The following NBEAL1 variants were observed in gnomAD, a reference collection of about 807,000 sequenced individuals.
The protein encoded by NBEAL1 is neurobeachin-like protein 1.
In NBEAL1, 273 loss-of-function variants were observed where a neutral mutation model predicts 351.3. That is an observed-to-expected ratio of 0.78 (90% CI 0.70 to 0.86). The LOEUF is 0.86. Among genes scored for constraint, NBEAL1 ranks in the 40% least tolerant of loss-of-function variants. NBEAL1 has a pLI of 0.00. For synonymous variants in NBEAL1, 1,050 were observed against 1,086.4 expected (o/e 0.97, Z 0.66); for missense variants, 2,961 against 3,201.3 (o/e 0.92, Z 1.81).
In NBEAL1 at chr2:203,062,317, TAA is replaced by T; in HGVS notation, c.515+4865_515+4866del. On this transcript the variant is annotated intron_variant, in intron 6 of 55. Transcript: ENST00000683969. The surrounding 1 kb of genome is among the most constrained non-coding windows in gnomAD (Gnocchi z 4.2). ...GAAGGTTTCCTGCGTCACATCTCTA[TAA>T]GAGTTTCTTCTGGGAAAAATCCAGC... 2.1e-6 allele frequency: 1 copy of T among 483,486 alleles called. No homozygotes were observed. Among genetic ancestry groups the T allele is most frequent in the Non-Finnish European group, 4.2e-6 (1 of 240,170 alleles). The allele number at this position is 483,486 out of a possible 1,614,324, so 29.9% of individuals were successfully genotyped here. A position where few individuals can be genotyped will look rare whatever the true frequency, so the allele number is the denominator to read the frequency against.
In NBEAL1 at chr2:203,219,940, A is replaced by G. The variant is rs1024919615; in HGVS notation, c.*2586A>G. The G allele has an allele frequency of 1.3e-5, 2 of 152,202 alleles. No homozygotes were observed. The highest frequency in any genetic ancestry group is 4.1e-4 in the South Asian group (2 of 4,834). 9.4% of individuals were successfully genotyped at this position (152,202 alleles called of 1,614,324 possible). On this transcript the variant is annotated 3_prime_UTR_variant, in exon 56 of 56. Transcript: ENST00000683969. ...GTCTAGAGAATGGAACTTAAATTTT[A>G]TCTGTTAAAAGAAGCAAACAACTAT...
Position 203,213,509 on chromosome 2 carries a change from C to A in NBEAL1, c.7935-9C>A, listed in dbSNP as rs1421612766. ...GTAATTATGTCTGTATTTTTTATTTCTTTTCTAGCTTGAATCTCAGCATCA... is the reference window on the plus strand; with the variant it reads ...GTAATTATGTCTGTATTTTTTATTTATTTTCTAGCTTGAATCTCAGCATCA... On this transcript the variant is annotated splice_polypyrimidine_tract_variant and intron_variant, in intron 54 of 55. Coordinates refer to ENST00000683969, the MANE Select transcript of NBEAL1 (RefSeq NM_001378026.1). The A allele has an allele frequency of 1.9e-6, 3 of 1,598,448 alleles. No individual in the cohort carries two copies. Among genetic ancestry groups the A allele is most frequent in the Admixed American group, 3.5e-5 (2 of 56,414 alleles).
intron 12 of NBEAL1, among the ~76,000 whole-genome samples, chr2:203,105,195 G>A (rs115958055): frequency 0.037 from 5,626 of 151,902 alleles, 309 homozygotes; most frequent in African/African-American, 0.12. Flanking sequence ...GGGCGCAGTC[G>A]CTCACACCTG....
rs2063048799 is a variant in NBEAL1, at chr2:203,130,494, A to C, written c.3564+18A>C. The C allele has an allele frequency of 7.2e-7, 1 of 1,386,520 alleles. No individual in the cohort carries two copies. Among genetic ancestry groups the C allele is most frequent in the African/African-American group, 1.5e-5 (1 of 65,512 alleles). 85.9% of individuals were successfully genotyped at this position (1,386,520 alleles called of 1,614,324 possible). ...TTTTTAAGGTACAAACATTTCTTAA[A>C]CATCTTTGTATTTTGAGGCGTTTGT... On this transcript the variant is annotated intron_variant, in intron 25 of 55. Coordinates refer to ENST00000683969, the MANE Select transcript of NBEAL1 (RefSeq NM_001378026.1).
In NBEAL1 at chr2:203,132,674, A is replaced by C. The variant is rs2063101052; in HGVS notation, c.3725-384A>C. ...CATGTTTCACCATGCCCTGCTTCTA[A>C]TTTTTTTAAATAATTTTTTTCAGTA... On this transcript the variant is annotated intron_variant, in intron 26 of 55. Transcript: ENST00000683969. Among the ~76,000 whole-genome samples, 3 of 152,172 alleles carry C rather than the reference A, an allele frequency of 2.0e-5. No individual in the cohort carries two copies. In the South Asian group the frequency reaches 6.2e-4, roughly 32 times the overall value.
chr2:203,043,409 T>G (rs1488350110), intron 3 of NBEAL1, among the ~76,000 whole-genome samples: 1 of 151,842 alleles, frequency 6.6e-6, no homozygotes, highest in Non-Finnish European at 1.5e-5. Context: ...GCAAGAAAAA[T>G]GGAGAGAGGC....
chr2:203,081,093 G>A (rs2061863883), intron 8 of NBEAL1, among the ~76,000 whole-genome samples: 1 of 152,200 alleles, frequency 6.6e-6, no homozygotes, highest in Admixed American at 6.5e-5. Flanking sequence ...CATAGCTATA[G>A]TGGGATTTAT....
intron 2 of NBEAL1, among the ~76,000 whole-genome samples, chr2:203,027,744 T>G (rs926417218): frequency 2.6e-5 from 4 of 152,298 alleles, no homozygotes; most frequent in African/African-American, 9.6e-5. Flanking sequence ...GGCATTGCTC[T>G]GTCACCCAGG....
At chr2:203,098,824 A>G (rs764586879) in intron 11 of NBEAL1, among the ~76,000 whole-genome samples, 4 of 152,182 alleles carry the variant, frequency 2.6e-5, no homozygotes, top group Non-Finnish European at 5.9e-5. Flanking sequence ...TTAATTGTTT[A>G]TAAGTATAAT....
At chr2:203,023,617 T>C (rs973894572) in intron 2 of NBEAL1, among the ~76,000 whole-genome samples, 65 of 151,002 alleles carry the variant, frequency 4.3e-4, no homozygotes, top group Admixed American at 4.2e-3. Flanking sequence ...TTTTTTTTTT[T>C]CTGTTTGTTT....
At chr2:203,089,811 T>C (rs1461969508) in intron 10 of NBEAL1, among the ~76,000 whole-genome samples, 1 of 152,232 alleles carries the variant, frequency 6.6e-6, no homozygotes, top group Admixed American at 6.5e-5. Context: ...ACATCGTGGA[T>C]GTTGCAGTAG....
intron 4 of NBEAL1, among the ~76,000 whole-genome samples, chr2:203,056,215 ACATTAT>A (rs2061399252): frequency 6.6e-6 from 1 of 152,216 alleles, no homozygotes; most frequent in South Asian, 2.1e-4. Flanking sequence ...TACTTTTTAA[ACATTAT>A]CTGTTTATAG....
intron 12 of NBEAL1, among the ~76,000 whole-genome samples, chr2:203,104,025 T>C (rs2062381495): frequency 6.6e-6 from 1 of 152,212 alleles, no homozygotes; most frequent in Non-Finnish European, 1.5e-5. Context: ...TGTCTGATTG[T>C]GTTGTCGATT....
At chr2:203,063,354 G>A (rs1180908801) in intron 6 of NBEAL1, among the ~76,000 whole-genome samples, 2 of 150,370 alleles carry the variant, frequency 1.3e-5, no homozygotes, top group Non-Finnish European at 3.0e-5. Context: ...AGGCTGAGGT[G>A]AGAGGATCAC....
intron 12 of NBEAL1, among the ~76,000 whole-genome samples, chr2:203,102,432 T>C (rs1461496626): frequency 6.6e-6 from 1 of 152,226 alleles, no homozygotes; most frequent in Admixed American, 6.5e-5. Flanking sequence ...TTCAGTATGA[T>C]GTTGGCTGTG....
At position 203,188,558 on chromosome 2, in the gene NBEAL1, A is replaced by T. The variant is rs1430999826; in HGVS notation, c.6792A>T (p.Ala2264=). Residue 2264 remains alanine (A), a synonymous_variant, in exon 45 of 56, where the codon GCA becomes GCT. Transcript: ENST00000683969. ...AGAGGGGACCAGCTGCAGTAGAGGC[A>T]CTCAACGTTTTCTATTATTGTAGTT... ...YKQRGPAAVE[A]LNVFYYCSYE... The T allele has an allele frequency of 6.2e-7, 1 of 1,607,238 alleles. No individual in the cohort carries two copies. Among genetic ancestry groups the T allele is most frequent in the Non-Finnish European group, 8.5e-7 (1 of 1,176,344 alleles).
At chr2:203,107,326 A>G (rs2062460334) in intron 12 of NBEAL1, 94 bp from the exon 13 acceptor site, 1 of 568,966 alleles carries the variant, frequency 1.8e-6, no homozygotes, top group Non-Finnish European at 3.0e-6. Context: ...TATTAAGTTA[A>G]TTAGCATAAA....
intron 2 of NBEAL1, chr2:203,040,191 CA>C: frequency 6.6e-7 from 1 of 1,510,890 alleles, no homozygotes; most frequent in Non-Finnish European, 9.1e-7. Flanking sequence ...CCCTCAAAGC[CA>C]CTCAGGCAAA....
At chr2:203,112,157 T>C in intron 16 of NBEAL1, 59 bp downstream of exon 16, 2 of 1,499,354 alleles carry the variant, frequency 1.3e-6, no homozygotes, top group Non-Finnish European at 1.8e-6. Flanking sequence ...TTGAAATGTT[T>C]TAGTTAAGGT....
Sources: gnomAD v4.1 joint callset for allele counts (sites outside exome capture counted in the v4.1 genomes callset) on GRCh38, gnomAD v4.1.1 for gene constraint, Gnocchi (gnomAD v3.1) non-coding constraint, MANE v1.5 for transcripts, NCBI Gene and HGNC (gene_info 2026-07-23, HGNC 2026-07-21) for gene names.